The following REPS2 variants were observed in gnomAD, a reference collection of about 807,000 sequenced individuals.
The protein encoded by REPS2 is RALBP1 associated Eps domain containing 2.
A neutral mutation model predicts 53.6 loss-of-function variants in REPS2; 23 were observed. The observed-to-expected ratio is 0.43, with a 90% CI of 0.31 to 0.61. The LOEUF is 0.61. Among genes scored for constraint, REPS2 ranks in the 20% least tolerant of loss-of-function variants. REPS2 has a pLI of 0.11. For missense variants in REPS2, 446 were observed against 534.9 expected, an observed-to-expected ratio of 0.83 and a Z score of 1.64; for synonymous variants, 238 against 218.6, an observed-to-expected ratio of 1.09 and a Z score of -0.78.
chrX:17,195,391 G>T, the REPS2 span, among the ~76,000 whole-genome samples: 1 of 111,960 alleles, frequency 8.9e-6, no homozygotes, highest in Non-Finnish European at 1.9e-5. Flanking sequence ...TTTAAAGCAC[G>T]ATTGCTGATT....
chrX:17,132,734 C>T (rs2063310584), intron 14 of REPS2, among the ~76,000 whole-genome samples: 2 of 111,234 alleles, frequency 1.8e-5, no homozygotes, highest in Admixed American at 9.5e-5. Context: ...GACGGGGTTT[C>T]GCCATGTTGG....
At chrX:17,001,371 C>A (rs1230089746) in intron 1 of REPS2, among the ~76,000 whole-genome samples, 1 of 112,449 alleles carries the variant, frequency 8.9e-6, no homozygotes, top group Non-Finnish European at 1.9e-5. Flanking sequence ...CTGTGTACCT[C>A]TCACTATATC....
intron 2 of REPS2, among the ~76,000 whole-genome samples, chrX:17,013,935 G>A (rs139030057): frequency 0.015 from 1,648 of 110,951 alleles, 13 homozygotes; most frequent in Non-Finnish European, 0.025. Context: ...ACCCCATAGC[G>A]CTGTCATTAG....
intron 12 of REPS2, 42 bp from the exon 13 acceptor site, chrX:17,077,229 G>T: frequency 1.8e-6 from 2 of 1,133,123 alleles, no homozygotes; most frequent in Non-Finnish European, 1.2e-6. Context: ...AGAGAGTAAA[G>T]CTTTGCTATT....
intron 13 of REPS2, among the ~76,000 whole-genome samples, chrX:17,084,606 A>G (rs2062506980): frequency 8.9e-6 from 1 of 112,182 alleles, no homozygotes; most frequent in African/African-American, 3.2e-5. Flanking sequence ...AGTGGGCATG[A>G]AGTGGTATTG....
intron 14 of REPS2, among the ~76,000 whole-genome samples, chrX:17,108,523 T>G (rs2062909580): frequency 8.9e-6 from 1 of 111,778 alleles, no homozygotes; most frequent in Non-Finnish European, 1.9e-5. Flanking sequence ...TGTTTGGTAC[T>G]TCAGTAGCTA....
At chrX:17,095,514 TTCAA>T (rs762143964) in intron 13 of REPS2, among the ~76,000 whole-genome samples, 5 of 66,029 alleles carry the variant, frequency 7.6e-5, no homozygotes, top group South Asian at 1.2e-3. Context: ...CCTAAACTGC[TTCAA>T]TCAGTCTTTT....
intron 9 of REPS2, among the ~76,000 whole-genome samples, chrX:17,063,923 T>TACAC (rs3842475): frequency 0.35 from 35,156 of 100,004 alleles, 5,243 homozygotes; most frequent in East Asian, 0.74. Flanking sequence ...GTTTTACTGT[T>TACAC]ACACACACAC....
intron 1 of REPS2, among the ~76,000 whole-genome samples, chrX:16,995,810 C>T (rs947335440): frequency 3.6e-5 from 4 of 111,871 alleles, no homozygotes; most frequent in Admixed American, 2.9e-4. Context: ...GAGAAGGGCC[C>T]TTCCACCCTG....
intron 1 of REPS2, among the ~76,000 whole-genome samples, chrX:16,955,856 T>TGTCTGAA (rs1757648708): frequency 8.9e-6 from 1 of 112,243 alleles, no homozygotes; most frequent in Non-Finnish European, 1.9e-5. Flanking sequence ...TTCCAGGATT[T>TGTCTGAA]GTCTGAAGTA....
At chrX:17,107,381 A>G (rs1035399217) in intron 14 of REPS2, among the ~76,000 whole-genome samples, 10 of 112,303 alleles carry the variant, frequency 8.9e-5, no homozygotes, top group South Asian at 3.7e-4. Flanking sequence ...GAAAACTACT[A>G]TTCTCAAGTA....
chrX:17,128,443 A>C (rs1030984166), intron 14 of REPS2, among the ~76,000 whole-genome samples: 1 of 110,905 alleles, frequency 9.0e-6, no homozygotes, highest in Non-Finnish European at 1.9e-5. Flanking sequence ...GTTGAGAATA[A>C]GTCTCTAGAG....
chrX:17,173,375 GC>G, the REPS2 span, among the ~76,000 whole-genome samples: 1 of 112,319 alleles, frequency 8.9e-6, no homozygotes, highest in African/African-American at 3.2e-5. Flanking sequence ...AATGGAGGCT[GC>G]CCTTAGGTCC....
At chrX:17,189,474 A>G in the REPS2 span, among the ~76,000 whole-genome samples, 1 of 109,568 alleles carries the variant, frequency 9.1e-6, no homozygotes, top group Admixed American at 9.7e-5. Flanking sequence ...TTTAGTAGAG[A>G]TGGGGTTTCG....
intron 5 of REPS2, among the ~76,000 whole-genome samples, chrX:17,037,369 C>T (rs184668731): frequency 8.9e-6 from 1 of 112,391 alleles, no homozygotes; most frequent in African/African-American, 3.2e-5. Flanking sequence ...AGTGCAGTGG[C>T]GCGATCTTGG....
intron 16 of REPS2, chrX:17,137,419 T>C (rs951403934): frequency 2.7e-5 from 3 of 112,079 alleles, no homozygotes; most frequent in Non-Finnish European, 5.6e-5. Context: ...CATTTGTTTA[T>C]CTTCTTTGGA....
chrX:17,078,453 A>G (rs1263950210), intron 13 of REPS2, among the ~76,000 whole-genome samples: 1 of 112,030 alleles, frequency 8.9e-6, no homozygotes, highest in Non-Finnish European at 1.9e-5. Flanking sequence ...GGAACTCTCT[A>G]TCAAATTTAA....
chrX:17,044,349 G>A, intron 5 of REPS2: 1 of 111,476 alleles, frequency 9.0e-6, no homozygotes, highest in Non-Finnish European at 1.9e-5. Context: ...CCAGCTTGGA[G>A]ATTTCTTCTC....
At chrX:16,963,387 A>G (rs760916222) in intron 1 of REPS2, among the ~76,000 whole-genome samples, 30 of 112,310 alleles carry the variant, frequency 2.7e-4, no homozygotes, top group Non-Finnish European at 5.1e-4. Flanking sequence ...TGGCAATGGG[A>G]TATTATCTAT....
Sources: allele counts gnomAD v4.1 joint callset (sites outside exome capture counted in the v4.1 genomes callset), GRCh38; gene constraint gnomAD v4.1.1; transcripts MANE v1.5; gene names NCBI Gene and HGNC (gene_info 2026-07-23, HGNC 2026-07-21).